The following ARID3B variants were observed in gnomAD, a reference collection of about 807,000 sequenced individuals.
ARID3B encodes AT-rich interaction domain 3B.
A neutral mutation model predicts 51.9 loss-of-function variants in ARID3B; 10 were observed. The observed-to-expected ratio is 0.19, with a 90% confidence interval of 0.12 to 0.33. The LOEUF (loss-of-function observed/expected upper bound fraction) is 0.33. Among genes scored for constraint, ARID3B ranks in the 10% least tolerant of loss-of-function variants. The probability of loss-of-function intolerance (pLI) is 1.00; values close to 1 mark genes in which losing one functional copy is unlikely to be tolerated. For synonymous variants in ARID3B, 205 were observed against 279.5 expected (o/e 0.73, Z 2.66); for missense variants, 483 against 716.3 (o/e 0.67, Z 3.72).
intron 2 of ARID3B, among the ~76,000 whole-genome samples, chr15:74,563,719 G>A (rs1332245733): frequency 6.6e-6 from 1 of 152,220 alleles, no homozygotes; most frequent in African/African-American, 2.4e-5. Context: ...TGCCAAGTCA[G>A]ATTCTGCAGA....
chr15:74,572,873 G>A lies in ARID3B; in HGVS notation c.564G>A (p.Leu188=). The change falls in exon 3 of 9, where the codon TTG becomes TTA. Residue 188 remains leucine, a synonymous_variant. Transcript: ENST00000346246. ...TTGTTCCCTTTTAGAATGGTGGTTTGGCCTGGAGTGATGATGCAGATGGAG... is the reference window on the plus strand; with the variant it reads ...TTGTTCCCTTTTAGAATGGTGGTTTAGCCTGGAGTGATGATGCAGATGGAG... The part of the protein sequence containing the change: ...LDEQLKQNGG[L]AWSDDADGGR... 1 of 1,614,122 alleles carries A rather than the reference G, an allele frequency of 6.2e-7. No individual in the cohort carries two copies. Among genetic ancestry groups the A allele is most frequent in the South Asian group, 1.1e-5 (1 of 91,076 alleles).
chr15:74,570,462 C>CAAAAAAAAAAAAAAAAAAAAAAA (rs71137395), intron 2 of ARID3B, among the ~76,000 whole-genome samples: 1 of 64,610 alleles, frequency 1.5e-5, no homozygotes. Flanking sequence ...CTATAATTAG[C>CAAAAAAAAAAAAAAAAAAAAAAA]AAAAAAAAAA....
intron 2 of ARID3B, among the ~76,000 whole-genome samples, chr15:74,566,292 C>A (rs1277467241): frequency 6.6e-6 from 1 of 152,082 alleles, no homozygotes; most frequent in Non-Finnish European, 1.5e-5. Flanking sequence ...ATACTACTCT[C>A]TTACTTGTAA....
intron 4 of ARID3B, among the ~76,000 whole-genome samples, chr15:74,585,997 G>A (rs139151513): frequency 4.6e-5 from 7 of 152,338 alleles, no homozygotes; most frequent in African/African-American, 1.7e-4. Flanking sequence ...GGGAGCCACT[G>A]ACAGTTTCAC....
intron 2 of ARID3B, among the ~76,000 whole-genome samples, chr15:74,545,290 T>G (rs1039669822): frequency 1.3e-5 from 2 of 152,234 alleles, no homozygotes; most frequent in African/African-American, 4.8e-5. Flanking sequence ...CAAAGAGCCT[T>G]GTAGACATGA....
intron 2 of ARID3B, among the ~76,000 whole-genome samples, chr15:74,566,488 A>T (rs1430870131): frequency 6.6e-6 from 1 of 151,976 alleles, no homozygotes; most frequent in Non-Finnish European, 1.5e-5. Flanking sequence ...CTGTAATCCC[A>T]GCTGCTCAGG....
At chr15:74,545,389 TC>T (rs1258021349) in intron 2 of ARID3B, among the ~76,000 whole-genome samples, 2 of 152,214 alleles carry the variant, frequency 1.3e-5, no homozygotes, top group African/African-American at 4.8e-5. Context: ...TGAAGTGACT[TC>T]CAAATGGCTG....
At chr15:74,550,254 T>C (rs2061631475) in intron 2 of ARID3B, among the ~76,000 whole-genome samples, 1 of 152,180 alleles carries the variant, frequency 6.6e-6, no homozygotes, top group Non-Finnish European at 1.5e-5. Context: ...CTTTGATATC[T>C]TTGGTGATAT....
intron 2 of ARID3B, among the ~76,000 whole-genome samples, chr15:74,564,759 C>T (rs1455605231): frequency 6.6e-6 from 1 of 152,086 alleles, no homozygotes; most frequent in Non-Finnish European, 1.5e-5. Context: ...TGCCACCACA[C>T]CCAGCTAATT....
intron 2 of ARID3B, among the ~76,000 whole-genome samples, chr15:74,547,518 C>T (rs1468064547): frequency 1.3e-5 from 2 of 152,056 alleles, no homozygotes; most frequent in Non-Finnish European, 2.9e-5. Flanking sequence ...ATACAGTGTC[C>T]ATCTTGTTCT....
intron 2 of ARID3B, 22 bp from the exon 3 acceptor site, chr15:74,572,840 T>C (rs2061723849): frequency 1.2e-6 from 2 of 1,613,128 alleles, no homozygotes; most frequent in Non-Finnish European, 1.7e-6. Flanking sequence ...CCCTCTCAAC[T>C]TTGTGTTTTG....
intron 2 of ARID3B, among the ~76,000 whole-genome samples, chr15:74,563,672 C>A (rs2061687276): frequency 6.6e-6 from 1 of 152,084 alleles, no homozygotes; most frequent in South Asian, 2.1e-4. Flanking sequence ...TGTGGAAGTT[C>A]AGGTGGTAGC....
At chr15:74,573,099 CTG>C (rs746834364) in intron 3 of ARID3B, 31 bp from the exon 4 acceptor site, 10 of 1,610,948 alleles carry the variant, frequency 6.2e-6, no homozygotes, top group Non-Finnish European at 8.5e-6. Flanking sequence ...GAATTTTTCA[CTG>C]TGTGTTTTTC....
intron 5 of ARID3B, among the ~76,000 whole-genome samples, 161 bp downstream of exon 5, chr15:74,590,164 G>C (rs899090873): frequency 9.2e-5 from 14 of 152,346 alleles, no homozygotes; most frequent in African/African-American, 3.4e-4. Context: ...ACTAAACCAA[G>C]TAGTGATGAG....
intron 2 of ARID3B, among the ~76,000 whole-genome samples, chr15:74,546,368 G>A (rs1230994071): frequency 1.3e-5 from 2 of 152,194 alleles, no homozygotes; most frequent in East Asian, 1.9e-4. Context: ...GGCTGCCCCC[G>A]CCTTGGCAGC....
chr15:74,561,554 C>A (rs1254726179), intron 2 of ARID3B, among the ~76,000 whole-genome samples: 1 of 152,184 alleles, frequency 6.6e-6, no homozygotes, highest in Non-Finnish European at 1.5e-5. Flanking sequence ...TAAGCAGGGA[C>A]TTAAAGCTGC....
At position 74,594,506 on chromosome 15, in the gene ARID3B, C is replaced by G. The variant is rs992569642; in HGVS notation, c.1520-1105C>G. Among the ~76,000 whole-genome samples the G allele has an allele frequency of 7.9e-5, 12 of 152,326 alleles. No individual in the cohort carries two copies. The Middle Eastern group carries it at 0.014, about 173-fold the overall frequency. On this transcript the variant is annotated intron_variant, in intron 8 of 8. Transcript: ENST00000346246. ...CACCAGGCCTGGCCCAGGGCATCACCCACCTGTTTTACCAAGGGCCCAAGG... is the reference window on the plus strand; with the variant it reads ...CACCAGGCCTGGCCCAGGGCATCACGCACCTGTTTTACCAAGGGCCCAAGG...
In ARID3B at chr15:74,591,369, T is replaced by C; in HGVS notation, c.1100T>C (p.Leu367Pro). ...AAGATCCGCTTTCCCATCCTTGGGC[T>C]TGGCTCCAGCAGTGGTACCAATACC... ...PPKIRFPILGLGSSSGTNTSS... is the reference protein window; with the variant it reads ...PPKIRFPILGPGSSSGTNTSS... Residue 367 changes from leucine to proline, a missense_variant, in exon 6 of 9, where the codon CTT becomes CCT. Physicochemically the swap from Leu to Pro is moderately conservative, Grantham distance 98. Transcript: ENST00000346246. The surrounding 1 kb of genome is among the most constrained non-coding windows in gnomAD (Gnocchi z 5.8). The C allele has an allele frequency of 6.2e-7, 1 of 1,614,134 alleles. No homozygotes were observed. The highest frequency in any genetic ancestry group is 8.5e-7 in the Non-Finnish European group (1 of 1,179,978).
At chr15:74,572,715 A>T in intron 2 of ARID3B, 147 bp from the exon 3 acceptor site, 2 of 701,206 alleles carry the variant, frequency 2.9e-6, no homozygotes, top group Non-Finnish European at 4.9e-6. Flanking sequence ...TGGCAGAATT[A>T]GTCTTCTGAG....
Sources: gnomAD v4.1 joint callset for allele counts (sites outside exome capture counted in the v4.1 genomes callset) on GRCh38, gnomAD v4.1.1 for gene constraint, Gnocchi (gnomAD v3.1) non-coding constraint, MANE v1.5 for transcripts, NCBI Gene and HGNC (gene_info 2026-07-23, HGNC 2026-07-21) for gene names.